Variants in RTL4 observed in about 807,000 individuals in gnomAD.
The protein encoded by RTL4 is retrotransposon Gag like 4, also known as retrotransposon Gag-like protein 4.
Under a neutral mutation model 5.3 loss-of-function variants are expected in RTL4, and 4 were observed. The observed-to-expected ratio is 0.75, with a 90% CI of 0.37 to 1.72. RTL4 has a LOEUF of 1.72. RTL4 is among the 40% of genes most tolerant of loss of function. The pLI, the probability that RTL4 is intolerant of heterozygous loss-of-function variation, is 0.04. For missense variants in RTL4, 260 were observed against 227.1 expected (o/e 1.14, Z -0.93); for synonymous variants, 98 against 87.3 (o/e 1.12, Z -0.68).
the RTL4 span, among the ~76,000 whole-genome samples, chrX:112,115,435 C>T: frequency 9.0e-6 from 1 of 111,361 alleles, no homozygotes; most frequent in Non-Finnish European, 1.9e-5. Flanking sequence ...AGATGTTAGG[C>T]CTCAAAATGG....
chrX:112,156,143 C>G, the RTL4 span, among the ~76,000 whole-genome samples: 1 of 112,230 alleles, frequency 8.9e-6, no homozygotes, highest in East Asian at 2.8e-4. Flanking sequence ...TTTTCACCTT[C>G]TTTTTTTGAG....
chrX:112,243,216 G>T, the RTL4 span, among the ~76,000 whole-genome samples: 1 of 111,660 alleles, frequency 9.0e-6, no homozygotes, highest in Non-Finnish European at 1.9e-5. Context: ...CTCATAAAAT[G>T]AGTTAGGGAG....
the RTL4 span, among the ~76,000 whole-genome samples, chrX:112,365,618 G>T: frequency 6.3e-5 from 7 of 111,404 alleles, no homozygotes; most frequent in Admixed American, 9.5e-5. Flanking sequence ...GTTACCCAGA[G>T]AACCCAATGA....
chrX:112,328,750 A>C, the RTL4 span, among the ~76,000 whole-genome samples: 1 of 111,790 alleles, frequency 8.9e-6, no homozygotes, highest in Admixed American at 9.5e-5. Flanking sequence ...TTGACCACAT[A>C]CTTGGAAGTA....
the RTL4 span, among the ~76,000 whole-genome samples, chrX:112,402,400 T>TGTG: frequency 6.7e-4 from 59 of 87,423 alleles, 1 homozygote; most frequent in African/African-American, 2.3e-3. Context: ...GGAATTATTA[T>TGTG]TGTGTGTGTG....
At chrX:112,321,657 G>A in the RTL4 span, among the ~76,000 whole-genome samples, 1 of 111,980 alleles carries the variant, frequency 8.9e-6, no homozygotes, top group African/African-American at 3.2e-5. Flanking sequence ...ACGTATTGTA[G>A]TAACTGGTTT....
At chrX:112,444,025 G>T in the RTL4 span, among the ~76,000 whole-genome samples, 2 of 111,596 alleles carry the variant, frequency 1.8e-5, no homozygotes, top group Admixed American at 1.9e-4. Context: ...CCAGTCCAAT[G>T]TCCTAAAGAG....
chrX:112,150,042 A>G, the RTL4 span, among the ~76,000 whole-genome samples: 2 of 111,390 alleles, frequency 1.8e-5, no homozygotes, highest in Non-Finnish European at 3.8e-5. Context: ...TATAAAGGAT[A>G]TTAGGCTGGA....
At chrX:112,408,370 T>A in the RTL4 span, among the ~76,000 whole-genome samples, 1 of 108,463 alleles carries the variant, frequency 9.2e-6, no homozygotes, top group Non-Finnish European at 1.9e-5. Context: ...ACATACTGAA[T>A]AATGCATTAG....
the RTL4 span, among the ~76,000 whole-genome samples, chrX:112,322,390 T>C: frequency 9.1e-6 from 1 of 109,676 alleles, no homozygotes; most frequent in Admixed American, 9.8e-5. Context: ...AGAGTTATTA[T>C]GGATGTTTCT....
At chrX:112,400,537 GTCT>G in the RTL4 span, among the ~76,000 whole-genome samples, 2 of 111,392 alleles carry the variant, frequency 1.8e-5, no homozygotes, top group Non-Finnish European at 3.8e-5. Context: ...TTGATTAACT[GTCT>G]TCTTCTCTTA....
At chrX:112,204,802 A>T in the RTL4 span, among the ~76,000 whole-genome samples, 1 of 111,385 alleles carries the variant, frequency 9.0e-6, no homozygotes, top group African/African-American at 3.3e-5. Flanking sequence ...AAAATAACTT[A>T]TAGAGTATAA....
At chrX:112,207,789 A>C in the RTL4 span, among the ~76,000 whole-genome samples, 2 of 110,611 alleles carry the variant, frequency 1.8e-5, no homozygotes, top group African/African-American at 6.6e-5. Context: ...GAGGCCCCTA[A>C]GACTCACCAT....
the RTL4 span, among the ~76,000 whole-genome samples, chrX:112,135,897 T>C: frequency 2.1e-5 from 2 of 97,272 alleles, no homozygotes; most frequent in African/African-American, 9.1e-5. Context: ...AATACATACA[T>C]ATATATATAT....
chrX:112,161,806 T>G, the RTL4 span, among the ~76,000 whole-genome samples: 2 of 34,722 alleles, frequency 5.8e-5, no homozygotes, highest in African/African-American at 2.1e-4. Context: ...CCTTCCTTCC[T>G]TCCTTCCTTC....
the RTL4 span, among the ~76,000 whole-genome samples, chrX:112,266,441 G>A: frequency 1.0e-4 from 11 of 110,145 alleles, no homozygotes; most frequent in Non-Finnish European, 2.1e-4. Flanking sequence ...TATGACAAAT[G>A]TTATTTAGGA....
the RTL4 span, among the ~76,000 whole-genome samples, chrX:112,192,632 T>A: frequency 1.6e-4 from 18 of 111,827 alleles, no homozygotes; most frequent in African/African-American, 5.5e-4. Context: ...TTTAGTAATA[T>A]ACAAAATTTT....
At chrX:112,442,934 A>G in the RTL4 span, among the ~76,000 whole-genome samples, 5 of 111,614 alleles carry the variant, frequency 4.5e-5, no homozygotes, top group Admixed American at 2.9e-4. Context: ...TCTTTTAGTT[A>G]TTTTTAAATG....
At chrX:112,094,170 A>T in the RTL4 span, among the ~76,000 whole-genome samples, 10 of 111,717 alleles carry the variant, frequency 9.0e-5, no homozygotes, top group Non-Finnish European at 1.7e-4. Flanking sequence ...AGAATAAGCC[A>T]GTCACCACTG....
Sources: gnomAD v4.1 joint callset for allele counts (sites outside exome capture counted in the v4.1 genomes callset) on GRCh38, gnomAD v4.1.1 for gene constraint, MANE v1.5 for transcripts, NCBI Gene and HGNC (gene_info 2026-07-23, HGNC 2026-07-21) for gene names.